The following FBXL17 variants were observed in gnomAD, a reference collection of about 807,000 sequenced individuals.
FBXL17 encodes the protein F-box/LRR-repeat protein 17.
Under a neutral mutation model 66.2 loss-of-function variants are expected in FBXL17, and 22 were observed. The observed-to-expected ratio is 0.33, with a 90% CI of 0.24 to 0.47. The LOEUF is 0.47. Ranked by LOEUF, FBXL17 falls within the 20% of genes least tolerant of loss-of-function variation. The probability of loss-of-function intolerance (pLI) is 1.00; values close to 1 mark genes in which losing one functional copy is unlikely to be tolerated. For missense variants in FBXL17, 878 were observed against 948.2 expected, an observed-to-expected ratio of 0.93 and a Z score of 0.97; for synonymous variants, 474 against 400.5, an observed-to-expected ratio of 1.18 and a Z score of -2.19.
chr5:108,346,292 C>G (rs1747276187), intron 4 of FBXL17, among the ~76,000 whole-genome samples: 1 of 151,560 alleles, frequency 6.6e-6, no homozygotes, highest in African/African-American at 2.4e-5. Context: ...TAAGACTTAG[C>G]AAAATTACCT....
intron 4 of FBXL17, among the ~76,000 whole-genome samples, chr5:108,339,202 A>T (rs1245970257): frequency 6.6e-6 from 1 of 152,198 alleles, no homozygotes; most frequent in African/African-American, 2.4e-5. Context: ...AATAACTGGG[A>T]ATAAGTCTTG....
intron 7 of FBXL17, among the ~76,000 whole-genome samples, chr5:108,009,292 T>TAGATAGATAGATAG (rs1182877374): frequency 4.5e-4 from 16 of 35,938 alleles, no homozygotes; most frequent in Non-Finnish European, 7.1e-4. Flanking sequence ...TATATATATA[T>TAGATAGATAGATAG]ATATATATAC....
intron 7 of FBXL17, among the ~76,000 whole-genome samples, chr5:107,916,250 C>A (rs937751809): frequency 2.0e-5 from 3 of 152,138 alleles, no homozygotes; most frequent in African/African-American, 7.2e-5. Context: ...AATGTAAGGC[C>A]ATCTAAACAT....
At chr5:107,892,199 T>A (rs1441920259) in intron 7 of FBXL17, among the ~76,000 whole-genome samples, 2 of 152,302 alleles carry the variant, frequency 1.3e-5, no homozygotes, top group Admixed American at 6.5e-5. Flanking sequence ...CACACCATCA[T>A]AAAATTGAAA....
chr5:108,106,659 A>G (rs1749808606), intron 6 of FBXL17, among the ~76,000 whole-genome samples: 1 of 152,240 alleles, frequency 6.6e-6, no homozygotes, highest in African/African-American at 2.4e-5. Context: ...TACATATTAT[A>G]TTACAGTATT....
chr5:108,037,676 T>C (rs1188392295), intron 6 of FBXL17, among the ~76,000 whole-genome samples: 1 of 152,180 alleles, frequency 6.6e-6, no homozygotes, highest in Non-Finnish European at 1.5e-5. Flanking sequence ...AGCAAGTTAG[T>C]GTCTCACATT....
rs548444015 is a variant in FBXL17 at position 108,148,692 on chromosome 5, G to A, written c.1745+37425C>T. ...TGTGCCAACCTAAGAGTATAGTGAGGAAGACTCTGAAAAATTGAATATCCA... is the reference window on the plus strand; with the variant it reads ...TGTGCCAACCTAAGAGTATAGTGAGAAAGACTCTGAAAAATTGAATATCCA... On this transcript the variant is annotated intron_variant, in intron 6 of 8. Transcript: ENST00000542267. Among the ~76,000 whole-genome samples, 4 of 152,202 alleles carry A rather than the reference G, an allele frequency of 2.6e-5. No homozygotes were observed. The South Asian group carries it at 6.2e-4, about 24-fold the overall frequency.
At chr5:108,080,068 G>C (rs286786) in intron 6 of FBXL17, among the ~76,000 whole-genome samples, 118,261 of 152,060 alleles carry the variant, frequency 0.78, 46,360 homozygotes, top group East Asian at 0.93. Flanking sequence ...CTACTGTCTG[G>C]AGGCACTAGA....
intron 4 of FBXL17, among the ~76,000 whole-genome samples, chr5:108,329,666 T>C (rs975727871): frequency 2.6e-5 from 4 of 152,186 alleles, no homozygotes; most frequent in African/African-American, 9.6e-5. Flanking sequence ...GTCATTGTAA[T>C]GAGTACACCA....
At chr5:107,978,310 C>G (rs1316695946) in intron 7 of FBXL17, among the ~76,000 whole-genome samples, 22 of 151,706 alleles carry the variant, frequency 1.5e-4, no homozygotes, top group Admixed American at 1.4e-3. Flanking sequence ...GGGATGATAA[C>G]AATCCCTCCC....
chr5:108,015,084 C>T lies in FBXL17; in HGVS notation c.1822+5841G>A, dbSNP rs73206532. On this transcript the variant is annotated intron_variant, in intron 7 of 8. Transcript: ENST00000542267. ...GATTTGGGTGGAGACACAGCCAAAC[C>T]ATATCACATTACTAAGAAAAAGAAC... Among the ~76,000 whole-genome samples the T allele has an allele frequency of 3.8e-3, 581 of 152,158 alleles. 2 individuals are homozygous for T. Among genetic ancestry groups the T allele is most frequent in the African/African-American group, 0.013 (552 of 41,516 alleles).
chr5:108,281,153 A>G (rs1339358584), intron 4 of FBXL17, among the ~76,000 whole-genome samples: 2 of 151,920 alleles, frequency 1.3e-5, no homozygotes, highest in Non-Finnish European at 2.9e-5. Context: ...CTTAAACTGG[A>G]CTTTAGACCA....
chr5:108,250,897 C>A (rs1375136578), intron 4 of FBXL17, among the ~76,000 whole-genome samples: 1 of 152,024 alleles, frequency 6.6e-6, no homozygotes, highest in Admixed American at 6.6e-5. Context: ...GAACCTTCCA[C>A]ATCAGCATGC....
chr5:108,156,215 A>G (rs1006539035), intron 6 of FBXL17, among the ~76,000 whole-genome samples: 1 of 152,102 alleles, frequency 6.6e-6, no homozygotes, highest in Non-Finnish European at 1.5e-5. Context: ...ACATATGATA[A>G]GAGATCACGT....
chr5:108,074,610 A>C (rs1002012896), intron 6 of FBXL17, among the ~76,000 whole-genome samples: 2 of 152,112 alleles, frequency 1.3e-5, no homozygotes, highest in African/African-American at 4.8e-5. Flanking sequence ...TAATGACTCA[A>C]ACCCCTTAAG....
chr5:108,097,530 C>A (rs1749422933), intron 6 of FBXL17, among the ~76,000 whole-genome samples: 1 of 152,076 alleles, frequency 6.6e-6, no homozygotes, highest in Admixed American at 6.5e-5. Flanking sequence ...GTGGCTCACG[C>A]CTGTAATCCC....
chr5:107,929,126 G>A (rs895034824), intron 7 of FBXL17, among the ~76,000 whole-genome samples: 1 of 152,108 alleles, frequency 6.6e-6, no homozygotes, highest in Non-Finnish European at 1.5e-5. Flanking sequence ...GTGGTGAAAA[G>A]AAACTCACTG....
Position 108,060,172 on chromosome 5 carries a change from G to GTATATA in FBXL17, c.1746-39172_1746-39171insTATATA, listed in dbSNP as rs917553310. On this transcript the variant is annotated intron_variant, in intron 6 of 8. Transcript: ENST00000542267. ...CTAAATATCTCTATTCCACATATGT[G>GTATATA]TACATATATATATAGATATAGATAT... Among the ~76,000 whole-genome samples the GTATATA allele has an allele frequency of 1.8e-4, 26 of 144,782 alleles. No individual in the cohort carries two copies. The South Asian group carries it at 6.9e-3, about 39-fold the overall frequency. 95.0% of individuals were successfully genotyped at this position (144,782 alleles called of 152,430 possible). A position where few individuals can be genotyped will look rare whatever the true frequency, so the allele number is the denominator to read the frequency against.
intron 4 of FBXL17, among the ~76,000 whole-genome samples, chr5:108,277,816 G>T (rs1207482066): frequency 6.6e-6 from 1 of 152,120 alleles, no homozygotes; most frequent in Non-Finnish European, 1.5e-5. Flanking sequence ...CATATAAAAG[G>T]TGTGTTTATA....
Sources: gnomAD v4.1 joint callset for allele counts (sites outside exome capture counted in the v4.1 genomes callset) on GRCh38, gnomAD v4.1.1 for gene constraint, MANE v1.5 for transcripts, NCBI Gene and HGNC (gene_info 2026-07-23, HGNC 2026-07-21) for gene names.